Variants in ST3GAL4 observed in about 807,000 individuals in gnomAD.
ST3GAL4 encodes ST3 beta-galactoside alpha-2,3-sialyltransferase 4.
ST3GAL4 carries 24 observed loss-of-function variants against 42.6 expected under a neutral mutation model. The observed-to-expected ratio is 0.56, with a 90% CI of 0.41 to 0.79. The LOEUF (loss-of-function observed/expected upper bound fraction) is 0.79, where lower values mean the gene tolerates loss of function less well. Ranked by LOEUF, ST3GAL4 falls within the 30% of genes least tolerant of loss-of-function variation. The pLI is 0.00. For missense variants in ST3GAL4, 311 were observed against 430.8 expected (o/e 0.72, Z 2.46); for synonymous variants, 135 against 163.2 (o/e 0.83, Z 1.32).
intron 1 of ST3GAL4, among the ~76,000 whole-genome samples, chr11:126,405,103 A>C (rs555288371): frequency 6.6e-6 from 1 of 152,282 alleles, no homozygotes; most frequent in East Asian, 1.9e-4. Flanking sequence ...TCTCCAGGGA[A>C]GGGCCGTGAA....
At chr11:126,362,171 C>A (rs927838243) in intron 1 of ST3GAL4, among the ~76,000 whole-genome samples, 1 of 148,810 alleles carries the variant, frequency 6.7e-6, no homozygotes, top group Non-Finnish European at 1.5e-5. Flanking sequence ...AGTGAGCCAC[C>A]GTGTCTGGCC....
At chr11:126,364,795 G>A (rs1952368492) in intron 1 of ST3GAL4, among the ~76,000 whole-genome samples, 7 of 151,402 alleles carry the variant, frequency 4.6e-5, no homozygotes, top group Admixed American at 4.6e-4. Flanking sequence ...ACTCATCCAG[G>A]GATGCAGCTC....
intron 1 of ST3GAL4, among the ~76,000 whole-genome samples, chr11:126,367,035 A>G (rs1952455445): frequency 1.3e-5 from 2 of 151,994 alleles, no homozygotes; most frequent in African/African-American, 4.8e-5. Context: ...GACTCTGCTC[A>G]GGTGTGGGGG....
At chr11:126,381,874 G>A (rs975254593) in intron 1 of ST3GAL4, among the ~76,000 whole-genome samples, 35 of 151,160 alleles carry the variant, frequency 2.3e-4, no homozygotes, top group Admixed American at 5.3e-4. Flanking sequence ...CCAGGCCCCA[G>A]CCCTGGTTCC....
At position 126,379,311 on chromosome 11, in the gene ST3GAL4, A is replaced by G. The variant is rs763641696; in HGVS notation, c.-61+23469A>G. 1.5e-4 allele frequency among the ~76,000 whole-genome samples: 23 copies of G among 152,318 alleles called. No individual in the cohort carries two copies. The highest frequency in any genetic ancestry group is 3.4e-3 in the Middle Eastern group (1 of 294). Reference sequence around the variant, plus strand: ...ATAATGAAATTCCCTAACGAAAATAAAAGTGTGAACCTTTTGTGCTAAAAC... The same window carrying G: ...ATAATGAAATTCCCTAACGAAAATAGAAGTGTGAACCTTTTGTGCTAAAAC... On this transcript the variant is annotated intron_variant, in intron 1 of 10. Transcript: ENST00000444328. The surrounding 1 kb of genome is among the most constrained non-coding windows in gnomAD (Gnocchi z 4.2).
At chr11:126,368,331 C>T (rs923878122) in intron 1 of ST3GAL4, among the ~76,000 whole-genome samples, 3 of 152,212 alleles carry the variant, frequency 2.0e-5, no homozygotes, top group South Asian at 2.1e-4. Context: ...AACCCCATCT[C>T]TACTAAAAAG....
At chr11:126,362,837 A>G (rs1299871740) in intron 1 of ST3GAL4, among the ~76,000 whole-genome samples, 1 of 152,192 alleles carries the variant, frequency 6.6e-6, no homozygotes, top group Non-Finnish European at 1.5e-5. Context: ...AGGCTGGGAG[A>G]GGCCTCAGAG....
At chr11:126,403,333 G>C in intron 1 of ST3GAL4, 1 of 914,160 alleles carries the variant, frequency 1.1e-6, no homozygotes, top group Non-Finnish European at 1.3e-6. Context: ...ACTGGTTAGC[G>C]CTGCTCACCT....
chr11:126,406,571 C>T lies in ST3GAL4; in HGVS notation c.101+14C>T, dbSNP rs771614992. On this transcript the variant is annotated intron_variant, in intron 3 of 10. Transcript: ENST00000444328. This position sits in a 1 kb window ranked among gnomAD's most constrained non-coding sequence, Gnocchi z 5.4. Reference sequence around the variant, plus strand: ...GTACATCGAGCTGTGAGTTCACCTTCCATGTCCTTCCAGTGGCTCTTGTCA... The same window carrying T: ...GTACATCGAGCTGTGAGTTCACCTTTCATGTCCTTCCAGTGGCTCTTGTCA... 5 of 1,613,990 alleles carry T rather than the reference C, an allele frequency of 3.1e-6. No individual in the cohort carries two copies. Among genetic ancestry groups the T allele is most frequent in the Non-Finnish European group, 4.2e-6 (5 of 1,179,990 alleles).
intron 1 of ST3GAL4, among the ~76,000 whole-genome samples, chr11:126,361,365 A>ATT (rs10627600): frequency 0.027 from 3,678 of 137,246 alleles, 178 homozygotes; most frequent in African/African-American, 0.091. Flanking sequence ...CTTGGCTTTA[A>ATT]TTTTTTTTTT....
At chr11:126,405,924 A>C in intron 1 of ST3GAL4, 172 bp from the exon 2 acceptor site, 1 of 750,700 alleles carries the variant, frequency 1.3e-6, no homozygotes, top group Non-Finnish European at 2.1e-6. Context: ...CCGCCCTTGG[A>C]GGAGTTAGGA....
At chr11:126,371,163 C>CTTATTTATTTTTTTTTTTTTTTTT (rs1555082244) in intron 1 of ST3GAL4, among the ~76,000 whole-genome samples, 1 of 59,974 alleles carries the variant, frequency 1.7e-5, no homozygotes, top group Non-Finnish European at 3.0e-5. Flanking sequence ...CCCCACATTC[C>CTTATTTATTTTTTTTTTTTTTTTT]TTTTTTTTTT....
Position 126,363,883 on chromosome 11 carries a change from C to T in ST3GAL4, c.-61+8041C>T, listed in dbSNP as rs1434649831. Reference sequence around the variant, plus strand: ...GATACACTCCCCACCCTCCCAGGCCCGGCACCGTGTCGCCCTGCCCCAGCC... The same window carrying T: ...GATACACTCCCCACCCTCCCAGGCCTGGCACCGTGTCGCCCTGCCCCAGCC... On this transcript the variant is annotated intron_variant, in intron 1 of 10. Transcript: ENST00000444328. The surrounding 1 kb of genome is among the most constrained non-coding windows in gnomAD (Gnocchi z 4.6). Among the ~76,000 whole-genome samples the T allele has an allele frequency of 1.3e-5, 2 of 152,254 alleles. No homozygotes were observed. The highest frequency in any genetic ancestry group is 4.8e-5 in the African/African-American group (2 of 41,476).
At chr11:126,412,829 G>A (rs1462841927) in intron 9 of ST3GAL4, among the ~76,000 whole-genome samples, 1 of 152,194 alleles carries the variant, frequency 6.6e-6, no homozygotes, top group Non-Finnish European at 1.5e-5. Context: ...GTAAGCCTTG[G>A]TTTTCTCATC....
chr11:126,406,629 C>G lies in ST3GAL4; in HGVS notation c.101+72C>G. On this transcript the variant is annotated intron_variant, in intron 3 of 10. Transcript: ENST00000444328. This position sits in a 1 kb window ranked among gnomAD's most constrained non-coding sequence, Gnocchi z 5.4. ...GGCTTAGGGATGGAGCATCATGGAG[C>G]GGGGGACCTAGTAGGGCAGGAAGGT... 6.8e-7 allele frequency: 1 copy of G among 1,467,452 alleles called. No homozygotes were observed. The highest frequency in any genetic ancestry group is 9.2e-7 in the Non-Finnish European group (1 of 1,088,002). 90.9% of individuals were successfully genotyped at this position (1,467,452 alleles called of 1,614,324 possible).
chr11:126,383,718 G>A lies in ST3GAL4; in HGVS notation c.-60-22378G>A, dbSNP rs914378711. Among the ~76,000 whole-genome samples, 4 of 152,142 alleles carry A rather than the reference G, an allele frequency of 2.6e-5. No individual in the cohort carries two copies. The highest frequency in any genetic ancestry group is 9.7e-5 in the African/African-American group (4 of 41,418). ...CAGGGACCGGAGAGCTGCTGGAAGG[G>A]GCTGTCTATGCCTTCAGGCTCTGAG... On this transcript the variant is annotated intron_variant, in intron 1 of 10. Transcript: ENST00000444328. The surrounding 1 kb of genome is among the most constrained non-coding windows in gnomAD (Gnocchi z 4.5).
chr11:126,358,166 G>A (rs934942174), intron 1 of ST3GAL4, among the ~76,000 whole-genome samples: 2 of 152,230 alleles, frequency 1.3e-5, no homozygotes, highest in Non-Finnish European at 2.9e-5. Flanking sequence ...GGGACACCCC[G>A]AGCAAACAGC....
intron 1 of ST3GAL4, among the ~76,000 whole-genome samples, chr11:126,380,752 C>T (rs73021419): frequency 0.12 from 18,988 of 152,196 alleles, 1,537 homozygotes; most frequent in East Asian, 0.36. Flanking sequence ...TTTCATCTTT[C>T]TGGAGCCTGA....
intron 1 of ST3GAL4, among the ~76,000 whole-genome samples, chr11:126,372,017 C>T (rs988802642): frequency 1.3e-5 from 2 of 152,040 alleles, no homozygotes; most frequent in African/African-American, 4.8e-5. Flanking sequence ...CTTTTTTATT[C>T]CTTTGATTGT....
Sources: allele counts gnomAD v4.1 joint callset (sites outside exome capture counted in the v4.1 genomes callset), GRCh38; gene constraint gnomAD v4.1.1; non-coding constraint Gnocchi (gnomAD v3.1); transcripts MANE v1.5; gene names NCBI Gene and HGNC (gene_info 2026-07-23, HGNC 2026-07-21).